ATP8A1: variants seen among roughly 807,000 people sequenced by gnomAD.
ATP8A1 encodes the protein ATPase phospholipid transporting 8A1.
Under a neutral mutation model 177.7 loss-of-function variants are expected in ATP8A1, and 90 were observed. The ratio of observed to expected loss-of-function variants is 0.51; its 90% CI spans 0.43 to 0.60. The LOEUF is 0.60. ATP8A1 is among the 20% of genes least tolerant of loss of function. The pLI is 0.00. For missense variants in ATP8A1, 1,072 were observed against 1,392.8 expected, an observed-to-expected ratio of 0.77 and a Z score of 3.67; for synonymous variants, 493 against 485.9, an observed-to-expected ratio of 1.01 and a Z score of -0.19.
chr4:42,511,840 G>A (rs1725035897), intron 22 of ATP8A1, among the ~76,000 whole-genome samples: 1 of 151,942 alleles, frequency 6.6e-6, no homozygotes, highest in Admixed American at 6.6e-5. Flanking sequence ...TAAAGTTTGT[G>A]ATATGCTTCT....
intron 7 of ATP8A1, 112 bp from the exon 8 acceptor site, chr4:42,588,441 G>C (rs1197928244): frequency 2.6e-6 from 2 of 783,706 alleles, no homozygotes; most frequent in Non-Finnish European, 4.0e-6. Flanking sequence ...CAAAGTAATA[G>C]TTACTTAGCT....
At chr4:42,572,638 G>C (rs1732020735) in intron 14 of ATP8A1, among the ~76,000 whole-genome samples, 1 of 152,140 alleles carries the variant, frequency 6.6e-6, no homozygotes, top group Non-Finnish European at 1.5e-5. Flanking sequence ...ACTCTACATG[G>C]CTTCTGGTAT....
intron 1 of ATP8A1, among the ~76,000 whole-genome samples, chr4:42,644,439 C>T (rs1295621111): frequency 1.2e-4 from 18 of 152,164 alleles, no homozygotes; most frequent in Admixed American, 1.2e-3. Flanking sequence ...AACTTTCCAA[C>T]CTCTACAAGA....
chr4:42,448,396 C>CTTTTCTTTTTTTT (rs1717525068), intron 30 of ATP8A1, among the ~76,000 whole-genome samples: 1 of 84,132 alleles, frequency 1.2e-5, no homozygotes, highest in African/African-American at 4.0e-5. Context: ...CCTTCTCTTT[C>CTTTTCTTTTTTTT]TTTTCTTTTT....
At chr4:42,534,901 C>T (rs566951803) in intron 20 of ATP8A1, among the ~76,000 whole-genome samples, 29 of 152,172 alleles carry the variant, frequency 1.9e-4, no homozygotes, top group South Asian at 6.2e-4. Flanking sequence ...TTGTATCCAG[C>T]GAAACTAAGC....
At chr4:42,632,698 T>C (rs547017065) in intron 1 of ATP8A1, among the ~76,000 whole-genome samples, 2 of 152,320 alleles carry the variant, frequency 1.3e-5, no homozygotes, top group African/African-American at 4.8e-5. Flanking sequence ...TGCTGGTGGG[T>C]CACTATCCTA....
rs1385318931 is a variant in ATP8A1, at chr4:42,411,542, A to G, written c.*1374T>C. 6.6e-6 allele frequency: 1 copy of G among 152,214 alleles called. No individual in the cohort carries two copies. The highest frequency in any genetic ancestry group is 2.4e-5 in the African/African-American group (1 of 41,456). The allele number at this position is 152,214 out of a possible 1,614,324, so 9.4% of individuals were successfully genotyped here. ...AAGTATTATTTAAAAAATAGTGTAG[A>G]AAACTGGTTGTGGTTTTTAAACAGC... On this transcript the variant is annotated 3_prime_UTR_variant, in exon 37 of 37. Transcript: ENST00000381668.
intron 15 of ATP8A1, chr4:42,561,633 T>C (rs1730844898): frequency 2.0e-5 from 3 of 152,234 alleles, no homozygotes; most frequent in African/African-American, 7.2e-5. Flanking sequence ...CTAAGACTTG[T>C]GAGACTTTTG....
In ATP8A1 at chr4:42,444,955, C is replaced by G. The variant is rs111425007; in HGVS notation, c.2959-321G>C. On this transcript the variant is annotated intron_variant, in intron 31 of 36. Coordinates refer to ENST00000381668, the MANE Select transcript of ATP8A1 (RefSeq NM_006095.2). ...GTACAATTCATGAACAGCAACAGCA[C>G]ATGCCTGGGTTAATTTGAGTTTTCA... Among the ~76,000 whole-genome samples, 1,181 of 152,326 alleles carry G rather than the reference C, an allele frequency of 7.8e-3. 8 individuals carry two copies. The highest frequency in any genetic ancestry group is 0.027 in the African/African-American group (1,104 of 41,570).
chr4:42,493,677 C>T (rs772999275), intron 24 of ATP8A1, among the ~76,000 whole-genome samples: 12 of 152,146 alleles, frequency 7.9e-5, no homozygotes, highest in Middle Eastern at 3.2e-3. Context: ...CGAATCCTTG[C>T]TCTGCCGCGT....
chr4:42,546,052 T>A (rs936150655), intron 19 of ATP8A1, among the ~76,000 whole-genome samples: 2 of 152,120 alleles, frequency 1.3e-5, no homozygotes, highest in African/African-American at 4.8e-5. Context: ...CTCCTCCATC[T>A]TTTTTCCTGA....
rs980375059 is a variant in ATP8A1, at chr4:42,410,862, C to A, written c.*2054G>T. The A allele has an allele frequency of 3.9e-5, 6 of 152,114 alleles. No homozygotes were observed. Among genetic ancestry groups the A allele is most frequent in the African/African-American group, 1.4e-4 (6 of 41,428 alleles). The allele number at this position is 152,114 out of a possible 1,614,324, so 9.4% of individuals were successfully genotyped here. On this transcript the variant is annotated 3_prime_UTR_variant, in exon 37 of 37. Coordinates refer to ENST00000381668, the MANE Select transcript of ATP8A1 (RefSeq NM_006095.2). ...AGAAGGGTGCCACTGATGAAGTGAG[C>A]GCAAACAGAAGCAGCTCTTCTCTAT...
intron 7 of ATP8A1, among the ~76,000 whole-genome samples, chr4:42,590,303 G>A (rs983141369): frequency 7.2e-5 from 11 of 152,136 alleles, no homozygotes; most frequent in Admixed American, 7.2e-4. Flanking sequence ...CTTTGTGCAG[G>A]GGGTCCTCTA....
At chr4:42,493,971 G>A (rs528681926) in intron 24 of ATP8A1, among the ~76,000 whole-genome samples, 178 of 152,018 alleles carry the variant, frequency 1.2e-3, no homozygotes, top group African/African-American at 4.1e-3. Context: ...GGAGGCCGAG[G>A]AAGGCAGATC....
chr4:42,538,164 G>A (rs1200266452), intron 20 of ATP8A1, among the ~76,000 whole-genome samples: 1 of 152,108 alleles, frequency 6.6e-6, no homozygotes, highest in Non-Finnish European at 1.5e-5. Context: ...ACATAAAGTG[G>A]GGAAAGGGCA....
intron 9 of ATP8A1, 99 bp from the exon 10 acceptor site, chr4:42,581,831 C>T (rs1228811092): frequency 1.2e-6 from 1 of 830,068 alleles, no homozygotes; most frequent in African/African-American, 1.7e-5. Context: ...TTAAAATAAC[C>T]CTTCTCATAT....
At chr4:42,587,500 G>T (rs1194204399) in intron 8 of ATP8A1, among the ~76,000 whole-genome samples, 1 of 151,610 alleles carries the variant, frequency 6.6e-6, no homozygotes, top group African/African-American at 2.4e-5. Flanking sequence ...TAGAGACAGG[G>T]TTTCACCATG....
At chr4:42,598,221 G>C (rs1416818300) in intron 6 of ATP8A1, among the ~76,000 whole-genome samples, 1 of 152,012 alleles carries the variant, frequency 6.6e-6, no homozygotes, top group East Asian at 1.9e-4. Flanking sequence ...TTTTAGCATA[G>C]GTTGTGACTT....
intron 1 of ATP8A1, 100 bp downstream of exon 1, chr4:42,656,725 G>C: frequency 7.6e-7 from 1 of 1,317,520 alleles, no homozygotes; most frequent in African/African-American, 1.5e-5. Context: ...TGCCGCCGGG[G>C]AAGAGGTAGG....
Sources: gnomAD v4.1 joint callset for allele counts (sites outside exome capture counted in the v4.1 genomes callset) on GRCh38, gnomAD v4.1.1 for gene constraint, MANE v1.5 for transcripts, NCBI Gene and HGNC (gene_info 2026-07-23, HGNC 2026-07-21) for gene names.